The following TUT7 variants were observed in gnomAD, a reference collection of about 807,000 sequenced individuals.
TUT7 encodes terminal uridylyltransferase 7.
TUT7 carries 33 observed loss-of-function variants against 165.9 expected under a neutral mutation model. That is an observed-to-expected ratio of 0.20 (90% CI 0.15 to 0.27). TUT7 has a LOEUF of 0.27. TUT7 is among the 10% of genes least tolerant of loss of function. TUT7 has a pLI of 1.00. For synonymous variants in TUT7, 552 were observed against 608.1 expected (o/e 0.91, Z 1.36); for missense variants, 1,338 against 1,762.3 (o/e 0.76, Z 4.31).
Position 86,304,876 on chromosome 9 carries a change from T to C in TUT7, c.3958A>G (p.Lys1320Glu). 1.2e-6 allele frequency: 2 copies of C among 1,609,642 alleles called. No individual in the cohort carries two copies. The highest frequency in any genetic ancestry group is 1.1e-5 in the South Asian group (1 of 90,330). ...VFGIPVKGFP[K>E]DYPSKMEYFF... is the part of the protein sequence containing the mutation. ...CTTACCATTTTTGAGGGGTAGTCCTTTGGAAATCCCTTGACAGGAATACCA... is the reference window on the plus strand; with the variant it reads ...CTTACCATTTTTGAGGGGTAGTCCTCTGGAAATCCCTTGACAGGAATACCA... The change falls in exon 24 of 27, where the codon AAG becomes GAG. Residue 1320 changes from lysine (K) to glutamate (E), a missense_variant. By Grantham distance (56) the Lys-to-Glu change is moderately conservative. Coordinates refer to ENST00000375963, the MANE Select transcript of TUT7 (RefSeq NM_024617.4).
chr9:86,341,162 A>T (rs1239085341), intron 6 of TUT7, 109 bp from the exon 7 acceptor site: 5 of 859,212 alleles, frequency 5.8e-6, no homozygotes, highest in Non-Finnish European at 7.6e-6. Context: ...AGAAATGCAC[A>T]TTGCTATCAA....
chr9:86,334,004 G>T (rs1410011759), intron 10 of TUT7, among the ~76,000 whole-genome samples: 1 of 152,088 alleles, frequency 6.6e-6, no homozygotes, highest in Non-Finnish European at 1.5e-5. Flanking sequence ...CCTGGAGAGG[G>T]GAAACACTGT....
intron 26 of TUT7, among the ~76,000 whole-genome samples, chr9:86,293,499 T>A (rs1417371369): frequency 2.0e-5 from 3 of 151,336 alleles, no homozygotes; most frequent in Non-Finnish European, 2.9e-5. Context: ...TAAAAAAAAA[T>A]GGTAAAGTTC....
chr9:86,297,834 C>G (rs1826477118), intron 26 of TUT7, among the ~76,000 whole-genome samples: 1 of 151,386 alleles, frequency 6.6e-6, no homozygotes, highest in South Asian at 2.1e-4. Context: ...AAAACGGTAC[C>G]TACCACTGCT....
At chr9:86,305,779 C>T (rs1022716704) in intron 22 of TUT7, among the ~76,000 whole-genome samples, 8 of 152,116 alleles carry the variant, frequency 5.3e-5, no homozygotes, top group African/African-American at 1.7e-4. Flanking sequence ...ATACATCTGT[C>T]CCAATGGCAT....
chr9:86,315,503 G>A (rs1299733851), intron 17 of TUT7, among the ~76,000 whole-genome samples: 2 of 152,114 alleles, frequency 1.3e-5, no homozygotes, highest in East Asian at 3.8e-4. Context: ...AGTTATATGT[G>A]GAACTCTTTA....
At chr9:86,316,041 A>G (rs1232329736) in intron 17 of TUT7, among the ~76,000 whole-genome samples, 1 of 152,132 alleles carries the variant, frequency 6.6e-6, no homozygotes. Context: ...ATGTACAAAA[A>G]CTTTTCATGG....
chr9:86,308,670 T>C, intron 21 of TUT7, 64 bp from the exon 22 acceptor site: 5 of 1,358,810 alleles, frequency 3.7e-6, no homozygotes, highest in Non-Finnish European at 5.0e-6. Context: ...CAATATTCAT[T>C]TGTATTTTAG....
At position 86,317,472 on chromosome 9, in the gene TUT7, T is replaced by G. The variant is rs371003684; in HGVS notation, c.3217-196A>C. Among the ~76,000 whole-genome samples the G allele has an allele frequency of 3.3e-5, 5 of 152,232 alleles. No homozygotes were observed. The East Asian group carries it at 5.8e-4, about 18-fold the overall frequency. Reference sequence around the variant, plus strand: ...ACGGTACAAAAACCACTAAATACCCTACTTCCTAATTGTTTTTGGGTGTGC... The same window carrying G: ...ACGGTACAAAAACCACTAAATACCCGACTTCCTAATTGTTTTTGGGTGTGC... On this transcript the variant is annotated intron_variant, in intron 16 of 26. Coordinates refer to ENST00000375963, the MANE Select transcript of TUT7 (RefSeq NM_024617.4).
chr9:86,346,979 A>C (rs1441410676), intron 2 of TUT7, among the ~76,000 whole-genome samples: 4 of 152,314 alleles, frequency 2.6e-5, no homozygotes, highest in African/African-American at 9.6e-5. Flanking sequence ...GTACCCCTGG[A>C]CAACTCAGAA....
chr9:86,352,998 C>T lies in TUT7; in HGVS notation c.202G>A (p.Gly68Arg). ...PGNYGNTPRK[G>R]PCAVSSNPYA... ...GGATTGCTGGAAACAGCACATGGTC[C>T]TTTTCTGGGGGTATTCCCATAGTTC... Residue 68 changes from glycine to arginine, a missense_variant, in exon 2 of 27, where the codon GGA becomes AGA. This residue lies in a region of TUT7 where 434 missense variants were observed against 480.8 expected (regional missense o/e 0.90). Transcript: ENST00000375963. 2 of 1,614,148 alleles carry T rather than the reference C, an allele frequency of 1.2e-6. No homozygotes were observed. The highest frequency in any genetic ancestry group is 1.7e-6 in the Non-Finnish European group (2 of 1,180,014).
chr9:86,341,116 G>A, intron 6 of TUT7, 63 bp from the exon 7 acceptor site: 1 of 1,389,168 alleles, frequency 7.2e-7, no homozygotes, highest in African/African-American at 1.4e-5. Context: ...ACTGATATAA[G>A]AGTCATCCGA....
Position 86,340,178 on chromosome 9 carries a change from C to T in TUT7, c.1139-73G>A, listed in dbSNP as rs1467576256. On this transcript the variant is annotated intron_variant, in intron 7 of 26. Transcript: ENST00000375963. ...TTTAAAAGCAGAACCAGATAAAGTA[C>T]AAGTACCAGTTGTCCCTTAGCTGTT... The T allele has an allele frequency of 3.2e-6, 4 of 1,259,288 alleles. No individual in the cohort carries two copies. The African/African-American group carries it at 5.9e-5, about 19-fold the overall frequency. 78.0% of individuals were successfully genotyped at this position (1,259,288 alleles called of 1,614,324 possible). A position where few individuals can be genotyped will look rare whatever the true frequency, so the allele number is the denominator to read the frequency against.
intron 7 of TUT7, among the ~76,000 whole-genome samples, chr9:86,340,592 T>TA (rs146005324): frequency 6.6e-6 from 1 of 152,352 alleles, no homozygotes; most frequent in East Asian, 1.9e-4. Context: ...AGACAACTGA[T>TA]AAACCTAAAT....
chr9:86,339,480 T>C (rs1831138194), intron 8 of TUT7, among the ~76,000 whole-genome samples: 1 of 152,132 alleles, frequency 6.6e-6, no homozygotes, highest in South Asian at 2.1e-4. Context: ...ATTGCGCCAC[T>C]GCACTCCAGC....
At chr9:86,295,822 GGAAT>G (rs1357257028) in intron 26 of TUT7, among the ~76,000 whole-genome samples, 1 of 117,082 alleles carries the variant, frequency 8.5e-6, no homozygotes, top group Non-Finnish European at 1.9e-5. Flanking sequence ...AGATTAAAAT[GGAAT>G]AAATAAATAG....
At chr9:86,298,461 A>G (rs1345888787) in intron 26 of TUT7, among the ~76,000 whole-genome samples, 1 of 152,228 alleles carries the variant, frequency 6.6e-6, no homozygotes, top group Non-Finnish European at 1.5e-5. Flanking sequence ...CACTGCTGGC[A>G]AGACAGCAGC....
intron 4 of TUT7, 115 bp downstream of exon 4, chr9:86,345,554 T>A: frequency 2.6e-6 from 2 of 756,290 alleles, no homozygotes; most frequent in Non-Finnish European, 4.4e-6. Flanking sequence ...ATATATTCAA[T>A]AAATAAAGCA....
intron 26 of TUT7, chr9:86,298,940 G>T: frequency 2.4e-6 from 1 of 414,948 alleles, no homozygotes; most frequent in Non-Finnish European, 3.2e-6. Flanking sequence ...GTGGGTGGCA[G>T]AATTTTGCAA....
Sources: allele counts gnomAD v4.1 joint callset (sites outside exome capture counted in the v4.1 genomes callset), GRCh38; gene constraint gnomAD v4.1.1; regional missense constraint gnomAD v4.1.1; transcripts MANE v1.5; gene names NCBI Gene and HGNC (gene_info 2026-07-23, HGNC 2026-07-21).